The following TLN2 variants were observed in gnomAD, a reference collection of about 807,000 sequenced individuals.
TLN2 encodes talin-2.
TLN2 carries 118 observed loss-of-function variants against 294.7 expected under a neutral mutation model. The ratio of observed to expected loss-of-function variants is 0.40; its 90% CI spans 0.34 to 0.47. The LOEUF is 0.47. Ranked by LOEUF, TLN2 falls within the 20% of genes least tolerant of loss-of-function variation. The pLI, the probability that TLN2 is intolerant of heterozygous loss-of-function variation, is 0.84. For missense variants in TLN2, 3,083 were observed against 3,282.2 expected, an observed-to-expected ratio of 0.94 and a Z score of 1.48; for synonymous variants, 1,431 against 1,304.5, an observed-to-expected ratio of 1.10 and a Z score of -2.09.
At chr15:62,430,959 C>G (rs1032141909) in intron 1 of TLN2, among the ~76,000 whole-genome samples, 1 of 146,722 alleles carries the variant, frequency 6.8e-6, no homozygotes, top group Non-Finnish European at 1.5e-5. Flanking sequence ...CACAAAAACA[C>G]CCAGCTCCTT....
chr15:62,481,221 C>T (rs1313268185), intron 1 of TLN2, among the ~76,000 whole-genome samples: 1 of 149,522 alleles, frequency 6.7e-6, no homozygotes, highest in Non-Finnish European at 1.5e-5. Flanking sequence ...GTTCTTTTTT[C>T]TTTTTTTTTT....
At chr15:62,743,679 AC>A (rs2061460093) in intron 32 of TLN2, among the ~76,000 whole-genome samples, 4 of 152,040 alleles carry the variant, frequency 2.6e-5, no homozygotes, top group Admixed American at 2.6e-4. Flanking sequence ...TGCCCCCTAA[AC>A]TTAGTCAAGG....
intron 1 of TLN2, among the ~76,000 whole-genome samples, chr15:62,432,261 A>G (rs1031813368): frequency 9.2e-5 from 14 of 152,312 alleles, no homozygotes; most frequent in Admixed American, 5.9e-4. Context: ...AGTCTGTTTC[A>G]TGATGCAAAA....
chr15:62,486,292 A>G (rs955264918), intron 1 of TLN2, among the ~76,000 whole-genome samples: 2 of 152,068 alleles, frequency 1.3e-5, no homozygotes, highest in Non-Finnish European at 2.9e-5. Flanking sequence ...ATGTAGTACT[A>G]TTATCCAGTA....
intron 3 of TLN2, among the ~76,000 whole-genome samples, chr15:62,630,380 T>C (rs1176074638): frequency 1.3e-5 from 2 of 152,200 alleles, no homozygotes; most frequent in African/African-American, 4.8e-5. Flanking sequence ...TGGTGCTGAA[T>C]GAGGACTTGA....
intron 51 of TLN2, among the ~76,000 whole-genome samples, chr15:62,809,179 T>A (rs183330004): frequency 1.3e-5 from 2 of 152,228 alleles, no homozygotes; most frequent in African/African-American, 4.8e-5. Flanking sequence ...TTTCATTGAT[T>A]ATCTGAAATT....
intron 48 of TLN2, among the ~76,000 whole-genome samples, chr15:62,799,008 C>T (rs556539041): frequency 5.4e-4 from 82 of 152,284 alleles, no homozygotes; most frequent in African/African-American, 1.9e-3. Flanking sequence ...GCCGAGATCA[C>T]GCCACTGCAC....
intron 1 of TLN2, among the ~76,000 whole-genome samples, chr15:62,522,819 C>T (rs8041039): frequency 0.19 from 28,851 of 151,862 alleles, 3,324 homozygotes; most frequent in African/African-American, 0.32. Flanking sequence ...TGCATCTTCT[C>T]TCTCTCATGT....
At chr15:62,750,144 C>T (rs2061847202) in intron 33 of TLN2, among the ~76,000 whole-genome samples, 1 of 152,190 alleles carries the variant, frequency 6.6e-6, no homozygotes, top group South Asian at 2.1e-4. Context: ...CTTGTTTCTT[C>T]TCCTTCAAAA....
At chr15:62,513,196 C>T (rs988230786) in intron 1 of TLN2, among the ~76,000 whole-genome samples, 3 of 152,190 alleles carry the variant, frequency 2.0e-5, no homozygotes, top group Non-Finnish European at 2.9e-5. Flanking sequence ...CCATCTCTCC[C>T]GACATGGTCC....
At position 62,669,287 on chromosome 15, in the gene TLN2, C is replaced by A. The variant is rs375089894; in HGVS notation, c.789-4540C>A. On this transcript the variant is annotated intron_variant, in intron 9 of 58. Transcript: ENST00000636159. ...AGTGTATCATATAATCATGTGCTCTCCAGCCAGCTGCAACAAATTGGAGAA... is the reference window on the plus strand; with the variant it reads ...AGTGTATCATATAATCATGTGCTCTACAGCCAGCTGCAACAAATTGGAGAA... 1.6e-4 allele frequency among the ~76,000 whole-genome samples: 24 copies of A among 152,292 alleles called. 1 individual carries two copies. In the East Asian group the frequency reaches 4.2e-3, roughly 27 times the overall value.
At chr15:62,471,452 C>T (rs1490828980) in intron 1 of TLN2, among the ~76,000 whole-genome samples, 3 of 152,222 alleles carry the variant, frequency 2.0e-5, no homozygotes, top group Admixed American at 6.5e-5. Context: ...CTATAACCTG[C>T]GTCACCTCCT....
At chr15:62,800,829 G>A (rs750423609) in intron 50 of TLN2, 60 bp downstream of exon 50, 50 of 1,441,430 alleles carry the variant, frequency 3.5e-5, no homozygotes, top group Non-Finnish European at 4.6e-5. Context: ...CCCCAGTGAG[G>A]GCTCATTTGA....
intron 1 of TLN2, among the ~76,000 whole-genome samples, chr15:62,548,509 T>G (rs2042119486): frequency 6.6e-6 from 1 of 152,180 alleles, no homozygotes; most frequent in African/African-American, 2.4e-5. Context: ...TTCCTAGGCC[T>G]AGATTTCCTG....
chr15:62,788,420 T>A (rs1454835491), intron 45 of TLN2, among the ~76,000 whole-genome samples: 1 of 152,234 alleles, frequency 6.6e-6, no homozygotes, highest in Non-Finnish European at 1.5e-5. Context: ...TTCATTTAAA[T>A]GCCCTAGCTG....
At chr15:62,650,005 C>G in intron 4 of TLN2, 79 bp from the exon 5 acceptor site, 1 of 1,406,836 alleles carries the variant, frequency 7.1e-7, no homozygotes, top group Non-Finnish European at 1.0e-6. Flanking sequence ...CTTGCTGAGT[C>G]AGCAGGCTCA....
At chr15:62,646,411 C>A (rs1325670239) in intron 3 of TLN2, among the ~76,000 whole-genome samples, 1 of 152,178 alleles carries the variant, frequency 6.6e-6, no homozygotes, top group Non-Finnish European at 1.5e-5. Context: ...ATCCGCCCCC[C>A]TCAGCCTCCC....
At chr15:62,701,367 T>C (rs2058711024) in intron 17 of TLN2, among the ~76,000 whole-genome samples, 153 bp downstream of exon 17, 1 of 152,204 alleles carries the variant, frequency 6.6e-6, no homozygotes, top group African/African-American at 2.4e-5. Context: ...TGTAGGCATT[T>C]TCTCCCAGTG....
intron 43 of TLN2, among the ~76,000 whole-genome samples, chr15:62,779,671 T>G (rs376315706): frequency 1.9e-4 from 29 of 152,242 alleles, no homozygotes; most frequent in African/African-American, 7.0e-4. Context: ...TCCTAGCATG[T>G]GGCCTGAGGC....
Sources: gnomAD v4.1 joint callset for allele counts (sites outside exome capture counted in the v4.1 genomes callset) on GRCh38, gnomAD v4.1.1 for gene constraint, MANE v1.5 for transcripts, NCBI Gene and HGNC (gene_info 2026-07-23, HGNC 2026-07-21) for gene names.